Variants in ACOXL observed in about 807,000 individuals in gnomAD.
ACOXL encodes acyl-CoA oxidase like.
In ACOXL, 70 loss-of-function variants were observed where a neutral mutation model predicts 71.9. The observed-to-expected ratio is 0.97, with a 90% CI of 0.80 to 1.19. The LOEUF is 1.19. ACOXL is among the 50% of genes most tolerant of loss of function. The pLI, the probability that ACOXL is intolerant of heterozygous loss-of-function variation, is 0.00. For synonymous variants in ACOXL, 253 were observed against 281.6 expected (o/e 0.90, Z 1.02); for missense variants, 703 against 736.3 (o/e 0.95, Z 0.52).
At chr2:110,917,675 C>A (rs761038999) in intron 11 of ACOXL, among the ~76,000 whole-genome samples, 1 of 152,238 alleles carries the variant, frequency 6.6e-6, no homozygotes, top group Non-Finnish European at 1.5e-5. Flanking sequence ...AGCCCAAAAT[C>A]TCCTTAAGCG....
chr2:110,800,096 G>A (rs1022375878), intron 7 of ACOXL, among the ~76,000 whole-genome samples: 6 of 152,310 alleles, frequency 3.9e-5, no homozygotes, highest in East Asian at 3.9e-4. Context: ...GTGGCAACCC[G>A]CGCTACTTGC....
chr2:110,753,473 G>T (rs1679272524), intron 1 of ACOXL, among the ~76,000 whole-genome samples: 1 of 152,162 alleles, frequency 6.6e-6, no homozygotes, highest in Middle Eastern at 3.2e-3. Context: ...TTGGCAACTG[G>T]TTTCCTCCAG....
rs1189558015 is a variant in ACOXL at position 110,907,884 on chromosome 2, G to A, written c.789-905G>A. ...AAACAATTGCTTCTTCTCTTTGAGT[G>A]GTTGATGGATGTTCTCACCCCATTG... On this transcript the variant is annotated intron_variant, in intron 10 of 17. Transcript: ENST00000439055. Among the ~76,000 whole-genome samples the A allele has an allele frequency of 2.0e-5, 3 of 152,210 alleles. No homozygotes were observed. The East Asian group carries it at 5.8e-4, about 29-fold the overall frequency.
chr2:111,004,173 A>G (rs2063768775), intron 14 of ACOXL, among the ~76,000 whole-genome samples: 1 of 152,260 alleles, frequency 6.6e-6, no homozygotes, highest in African/African-American at 2.4e-5. Context: ...TCTTCTAAAA[A>G]TAACCCTGTG....
chr2:110,914,005 A>C (rs908517418), intron 11 of ACOXL, among the ~76,000 whole-genome samples: 8 of 152,162 alleles, frequency 5.3e-5, no homozygotes, highest in African/African-American at 1.4e-4. Flanking sequence ...TATCAGGAGA[A>C]AATGAGGAGT....
Position 110,981,506 on chromosome 2 carries a change from A to G in ACOXL, c.1060-5602A>G, listed in dbSNP as rs530835781. 2.6e-5 allele frequency among the ~76,000 whole-genome samples: 4 copies of G among 152,334 alleles called. No individual in the cohort carries two copies. In the East Asian group the frequency reaches 7.7e-4, roughly 29 times the overall value. ...ACTACCCAAAGTTGTCATGAAGATT[A>G]AATTAGGTATTCCATCTAAAGAGTT... On this transcript the variant is annotated intron_variant, in intron 12 of 17. Transcript: ENST00000439055.
chr2:111,031,589 T>A (rs1264073011), intron 14 of ACOXL, 38 bp from the exon 15 acceptor site: 1 of 1,582,578 alleles, frequency 6.3e-7, no homozygotes, highest in Admixed American at 1.7e-5. Context: ...TCTCTCACAA[T>A]ATCCTCAATG....
At chr2:110,763,297 A>G (rs1412584944) in intron 1 of ACOXL, among the ~76,000 whole-genome samples, 1 of 152,252 alleles carries the variant, frequency 6.6e-6, no homozygotes, top group African/African-American at 2.4e-5. Context: ...CTACAAATCT[A>G]CAGTAATTAA....
At chr2:111,055,606 G>T (rs189086612) in intron 16 of ACOXL, among the ~76,000 whole-genome samples, 1 of 152,210 alleles carries the variant, frequency 6.6e-6, no homozygotes, top group Non-Finnish European at 1.5e-5. Flanking sequence ...GGGGCTGCCC[G>T]TTGTGGCCAC....
intron 14 of ACOXL, among the ~76,000 whole-genome samples, chr2:111,004,586 G>A (rs1245571460): frequency 6.6e-6 from 1 of 152,066 alleles, no homozygotes; most frequent in Non-Finnish European, 1.5e-5. Flanking sequence ...CCCACTCCCT[G>A]GTTTTCCAAA....
intron 1 of ACOXL, among the ~76,000 whole-genome samples, chr2:110,733,757 A>T (rs1026013157): frequency 6.6e-6 from 1 of 152,104 alleles, no homozygotes; most frequent in Non-Finnish European, 1.5e-5. Context: ...GAAGTGTGGG[A>T]TGGTGGGTAT....
chr2:110,926,306 G>A (rs1198151940), intron 11 of ACOXL, among the ~76,000 whole-genome samples: 1 of 152,212 alleles, frequency 6.6e-6, no homozygotes, highest in Non-Finnish European at 1.5e-5. Context: ...TTTAAAAAGT[G>A]CGATATCTGC....
chr2:110,744,654 G>A (rs1000920250), intron 1 of ACOXL, among the ~76,000 whole-genome samples: 2 of 152,136 alleles, frequency 1.3e-5, no homozygotes, highest in African/African-American at 2.4e-5. Flanking sequence ...GTAAACCCTG[G>A]AGGAAGCCAT....
At chr2:110,936,850 AT>A (rs34395577) in intron 12 of ACOXL, among the ~76,000 whole-genome samples, 76,631 of 141,124 alleles carry the variant, frequency 0.54, 21,569 homozygotes, top group Middle Eastern at 0.64. Context: ...TATTTTAGGG[AT>A]TTTTTTTTTT....
At chr2:110,844,087 A>T (rs1559334705) in intron 10 of ACOXL, among the ~76,000 whole-genome samples, 1 of 152,200 alleles carries the variant, frequency 6.6e-6, no homozygotes, top group Non-Finnish European at 1.5e-5. Context: ...TTGGGAGCAG[A>T]AAGAATGGTT....
At chr2:110,911,783 C>G (rs1348470675) in intron 11 of ACOXL, among the ~76,000 whole-genome samples, 2 of 152,066 alleles carry the variant, frequency 1.3e-5, no homozygotes, top group East Asian at 1.9e-4. Flanking sequence ...ATTGAATGCT[C>G]TCTCCCTAAG....
rs559287810 is a variant in ACOXL at position 111,031,233 on chromosome 2, G to T, written c.1282-394G>T. Among the ~76,000 whole-genome samples, 289 of 152,286 alleles carry T rather than the reference G, an allele frequency of 1.9e-3. 1 individual carries two copies. The highest frequency in any genetic ancestry group is 3.5e-3 in the Non-Finnish European group (241 of 68,026). On this transcript the variant is annotated intron_variant, in intron 14 of 17. Transcript: ENST00000439055. ...CAAATGGAAGCTCCTGACTGCAAGG[G>T]AAGGAAGGAGGGAACGTGGGCTGGT...
At chr2:110,904,894 G>A (rs1332005413) in intron 10 of ACOXL, among the ~76,000 whole-genome samples, 2 of 152,118 alleles carry the variant, frequency 1.3e-5, no homozygotes, top group Non-Finnish European at 2.9e-5. Context: ...GCCCTGAGTG[G>A]AAGAGACAGA....
chr2:110,913,717 G>A (rs1283260669), intron 11 of ACOXL, among the ~76,000 whole-genome samples: 1 of 152,160 alleles, frequency 6.6e-6, no homozygotes, highest in African/African-American at 2.4e-5. Flanking sequence ...TACAAGCATG[G>A]CACAGGCATC....
Sources: allele counts gnomAD v4.1 joint callset (sites outside exome capture counted in the v4.1 genomes callset), GRCh38; gene constraint gnomAD v4.1.1; transcripts MANE v1.5; gene names NCBI Gene and HGNC (gene_info 2026-07-23, HGNC 2026-07-21).